GRIP1: variants seen among roughly 807,000 people sequenced by gnomAD.
The protein encoded by GRIP1 is glutamate receptor interacting protein 1, also known as glutamate receptor-interacting protein 1.
In GRIP1, 45 loss-of-function variants were observed where a neutral mutation model predicts 129.9. That is an observed-to-expected ratio of 0.35 (90% confidence interval 0.27 to 0.44). The LOEUF is 0.44. GRIP1 is among the 20% of genes least tolerant of loss of function. The pLI, the probability that GRIP1 is intolerant of heterozygous loss-of-function variation, is 1.00. For synonymous variants in GRIP1, 530 were observed against 520.8 expected (o/e 1.02, Z -0.24); for missense variants, 1,196 against 1,396.8 (o/e 0.86, Z 2.29).
chr12:66,822,783 T>C (rs1246473189), intron 1 of GRIP1, among the ~76,000 whole-genome samples: 2 of 151,924 alleles, frequency 1.3e-5, no homozygotes, highest in African/African-American at 4.8e-5. Flanking sequence ...TTCTCACTTA[T>C]AAGTGGAAGC....
At chr12:66,790,724 A>G (rs908761801) in intron 1 of GRIP1, among the ~76,000 whole-genome samples, 1 of 152,252 alleles carries the variant, frequency 6.6e-6, no homozygotes, top group African/African-American at 2.4e-5. Flanking sequence ...TATTGAGTTC[A>G]GTTTAGGAAA....
At chr12:66,734,293 T>C (rs369034601) in intron 1 of GRIP1, among the ~76,000 whole-genome samples, 1 of 152,206 alleles carries the variant, frequency 6.6e-6, no homozygotes, top group Non-Finnish European at 1.5e-5. Flanking sequence ...TCTCCAACTA[T>C]GCGCTTTTCC....
intron 16 of GRIP1, among the ~76,000 whole-genome samples, chr12:66,404,545 C>T (rs1446773581): frequency 6.6e-6 from 1 of 152,154 alleles, no homozygotes; most frequent in Non-Finnish European, 1.5e-5. Flanking sequence ...GCTTCTGCTC[C>T]TGCTCCTGCT....
At chr12:66,376,947 G>T in intron 22 of GRIP1, 70 bp downstream of exon 22, 1 of 1,021,324 alleles carries the variant, frequency 9.8e-7, no homozygotes, top group Non-Finnish European at 1.6e-6. Context: ...AAATCAAATT[G>T]CTGTCCAGAA....
intron 1 of GRIP1, among the ~76,000 whole-genome samples, chr12:66,642,315 T>C (rs2032007319): frequency 6.6e-6 from 1 of 151,922 alleles, no homozygotes. Context: ...AACTCCAGCA[T>C]GTGAAAGGCA....
intron 17 of GRIP1, 78 bp from the exon 18 acceptor site, chr12:66,392,894 A>G: frequency 7.5e-7 from 1 of 1,334,006 alleles, no homozygotes; most frequent in Non-Finnish European, 1.1e-6. Flanking sequence ...GACATACCTT[A>G]TACATTCATC....
intron 1 of GRIP1, among the ~76,000 whole-genome samples, chr12:66,835,102 C>A (rs566371099): frequency 6.6e-6 from 1 of 152,090 alleles, no homozygotes; most frequent in African/African-American, 2.4e-5. Flanking sequence ...TTATCTAAAA[C>A]ATATAAAGAA....
At chr12:66,484,536 G>A (rs537503920) in intron 7 of GRIP1, among the ~76,000 whole-genome samples, 48 of 152,306 alleles carry the variant, frequency 3.2e-4, no homozygotes, top group African/African-American at 1.1e-3. Context: ...CAACATGGAT[G>A]GGTCTGGATG....
intron 1 of GRIP1, among the ~76,000 whole-genome samples, chr12:66,642,274 G>C (rs1049601798): frequency 3.4e-5 from 5 of 147,752 alleles, no homozygotes; most frequent in African/African-American, 5.0e-5. Flanking sequence ...ATGGAGAGGA[G>C]AGAACTCCAG....
intron 8 of GRIP1, among the ~76,000 whole-genome samples, chr12:66,464,751 T>C (rs1462540675): frequency 6.6e-6 from 1 of 151,860 alleles, no homozygotes; most frequent in Non-Finnish European, 1.5e-5. Context: ...GACACATAGG[T>C]GAATTTTTAA....
At chr12:66,940,677 A>G (rs1008698994) in intron 1 of GRIP1, among the ~76,000 whole-genome samples, 1 of 152,208 alleles carries the variant, frequency 6.6e-6, no homozygotes, top group Non-Finnish European at 1.5e-5. Flanking sequence ...GAAAGCAGGA[A>G]AATCATCAGG....
intron 1 of GRIP1, among the ~76,000 whole-genome samples, chr12:66,825,023 T>C (rs1421386175): frequency 6.6e-6 from 1 of 152,140 alleles, no homozygotes; most frequent in Non-Finnish European, 1.5e-5. Flanking sequence ...ATAGTACCAC[T>C]ATTGTCTACT....
intron 1 of GRIP1, among the ~76,000 whole-genome samples, chr12:66,880,722 A>G (rs2040463461): frequency 6.6e-6 from 1 of 152,168 alleles, no homozygotes; most frequent in Non-Finnish European, 1.5e-5. Context: ...ATGACATGAT[A>G]TGTATAAGCA....
chr12:66,673,191 A>T (rs1042695559), intron 1 of GRIP1, among the ~76,000 whole-genome samples: 1 of 152,042 alleles, frequency 6.6e-6, no homozygotes, highest in African/African-American at 2.4e-5. Flanking sequence ...ACTTCTCTGA[A>T]CCTCTTCTTT....
intron 2 of GRIP1, among the ~76,000 whole-genome samples, chr12:66,584,501 A>G (rs923210879): frequency 2.0e-5 from 3 of 152,130 alleles, no homozygotes; most frequent in Non-Finnish European, 4.4e-5. Context: ...TGAACCCGGG[A>G]GGCGGAGGTT....
chr12:66,400,933 GA>G (rs2056963541), intron 16 of GRIP1, among the ~76,000 whole-genome samples: 1 of 23,738 alleles, frequency 4.2e-5, no homozygotes, highest in East Asian at 0.062. Context: ...CAAAACAATA[GA>G]TTTTTTTCAA....
intron 7 of GRIP1, among the ~76,000 whole-genome samples, chr12:66,498,754 T>A (rs1468682259): frequency 6.6e-6 from 1 of 152,186 alleles, no homozygotes; most frequent in Non-Finnish European, 1.5e-5. Flanking sequence ...AATTACCCTC[T>A]TTTCCTACGT....
At chr12:67,054,981 C>A (rs745337820) in intron 1 of GRIP1, among the ~76,000 whole-genome samples, 2 of 152,132 alleles carry the variant, frequency 1.3e-5, no homozygotes, top group Non-Finnish European at 2.9e-5. Context: ...GATTGGAAAT[C>A]GGCTACTGGG....
At chr12:66,921,450 C>T (rs2041211281) in intron 1 of GRIP1, among the ~76,000 whole-genome samples, 1 of 152,170 alleles carries the variant, frequency 6.6e-6, no homozygotes, top group African/African-American at 2.4e-5. Flanking sequence ...AATTTCTTGG[C>T]CTTGTTCTTT....
Sources: allele counts gnomAD v4.1 joint callset (sites outside exome capture counted in the v4.1 genomes callset), GRCh38; gene constraint gnomAD v4.1.1; transcripts MANE v1.5; gene names NCBI Gene and HGNC (gene_info 2026-07-23, HGNC 2026-07-21).